MCM3AP: variants seen among roughly 807,000 people sequenced by gnomAD.
MCM3AP encodes the protein germinal-center associated nuclear protein.
MCM3AP carries 126 observed loss-of-function variants against 184.1 expected under a neutral mutation model. The observed-to-expected ratio is 0.68, with a 90% confidence interval of 0.59 to 0.79. The LOEUF (loss-of-function observed/expected upper bound fraction) is 0.79, where lower values mean the gene tolerates loss of function less well. Among genes scored for constraint, MCM3AP ranks in the 30% least tolerant of loss-of-function variants. The pLI, the probability that MCM3AP is intolerant of heterozygous loss-of-function variation, is 0.00. For synonymous variants in MCM3AP, 1,002 were observed against 979.3 expected (o/e 1.02, Z -0.43); for missense variants, 2,496 against 2,479.2 (o/e 1.01, Z -0.14).
Position 46,284,833 on chromosome 21 carries a change from C to T in MCM3AP, c.454G>A (p.Ala152Thr). ...GCCCCCAGTATTGGTTTGAACACTG[C>T]ATTTTCCAGAGGTTTAAAGCTGAAT... Reference protein sequence around the residue: ...TEFSFKPLENAVFKPILGAES... With the variant: ...TEFSFKPLENTVFKPILGAES... Residue 152 changes from alanine (A) to threonine (T), a missense_variant, in exon 1 of 28, where the codon GCA becomes ACA. Ala to Thr is a moderately conservative substitution (Grantham distance 58). Coordinates refer to ENST00000291688, the MANE Select transcript of MCM3AP (RefSeq NM_003906.5). The T allele has an allele frequency of 6.2e-7, 1 of 1,614,066 alleles. No individual in the cohort carries two copies. The highest frequency in any genetic ancestry group is 8.5e-7 in the Non-Finnish European group (1 of 1,180,036).
At position 46,258,938 on chromosome 21, in the gene MCM3AP, C is replaced by T; in HGVS notation, c.3734+1G>A. ...TTTGCCTGTAGGAACACAGGACTCA[C>T]CGCTGTAGATACTTGCAGAAGCACT... On this transcript the variant is annotated splice_donor_variant, in intron 16 of 27. Coordinates refer to ENST00000291688, the MANE Select transcript of MCM3AP (RefSeq NM_003906.5). LOFTEE classifies it high-confidence loss of function. 6.2e-7 allele frequency: 1 copy of T among 1,614,090 alleles called. No individual in the cohort carries two copies. The highest frequency in any genetic ancestry group is 8.5e-7 in the Non-Finnish European group (1 of 1,180,002).
Position 46,272,654 on chromosome 21 carries a change from T to C in MCM3AP, c.2372A>G (p.Gln791Arg). 1.2e-6 allele frequency: 2 copies of C among 1,614,258 alleles called. No individual in the cohort carries two copies. The change falls in exon 8 of 28, where the codon CAG becomes CGG. Residue 791 changes from glutamine (Q) to arginine (R), a missense_variant. By Grantham distance (43) the Gln-to-Arg change is conservative (BLOSUM62 1). Transcript: ENST00000291688. ...KCLQSLKEMYQDLRNKGVFCA... is the reference protein window; with the variant it reads ...KCLQSLKEMYRDLRNKGVFCA... ...GAAGACACCCTTGTTTCTCAGGTCCTGGTACATCTCCTTCAGGCTCTGCAG... is the reference window on the plus strand; with the variant it reads ...GAAGACACCCTTGTTTCTCAGGTCCCGGTACATCTCCTTCAGGCTCTGCAG...
At position 46,272,802 on chromosome 21, in the gene MCM3AP, G is replaced by T; in HGVS notation, c.2224C>A (p.Pro742Thr). ...TTCTCAATCAGGGACACCGTCAGGG[G>T]GTCACAGAGGTGCTGCTGCGTGATA... ...KDITQQHLCD[P>T]LTVSLIEKCT... is the part of the protein sequence containing the mutation. The change falls in exon 8 of 28, where the codon CCC (proline) becomes ACC (threonine). Residue 742 changes from proline (P) to threonine (T), a missense_variant. Transcript: ENST00000291688. 1 of 1,603,864 alleles carries T rather than the reference G, an allele frequency of 6.2e-7. No homozygotes were observed. Among genetic ancestry groups the T allele is most frequent in the Non-Finnish European group, 8.5e-7 (1 of 1,173,894 alleles).
At chr21:46,258,737 A>ATGTGTGTGTGTGTG (rs55695472) in intron 16 of MCM3AP, among the ~76,000 whole-genome samples, 2,146 of 150,030 alleles carry the variant, frequency 0.014, 21 homozygotes, top group Middle Eastern at 0.031. Context: ...CTTATATTGT[A>ATGTGTGTGTGTGTG]TGTGTGTGTG....
rs147601190 is a variant in MCM3AP at position 46,284,698 on chromosome 21, C to A, written c.589G>T (p.Val197Leu). The A allele has an allele frequency of 1.9e-6, 3 of 1,613,946 alleles. No individual in the cohort carries two copies. The highest frequency in any genetic ancestry group is 2.7e-5 in the African/African-American group (2 of 74,876). ...GGLAPFSFPQ[V>L]TSSSATTSNF... ...GAAGTGGTAGCTGAACTACTTGTTA[C>A]TTGAGGAAAAGAGAAAGGGGCCAGG... The change falls in exon 1 of 28, where the codon GTA (valine) becomes TTA (leucine). Residue 197 changes from valine (V) to leucine (L), a missense_variant. By Grantham distance (32) the Val-to-Leu change is conservative. This residue lies in a region of MCM3AP where 800 missense variants were observed against 717.1 expected (regional missense o/e 1.12). Coordinates refer to ENST00000291688, the MANE Select transcript of MCM3AP (RefSeq NM_003906.5).
At chr21:46,257,351 T>C (rs775731616) in intron 16 of MCM3AP, among the ~76,000 whole-genome samples, 12 of 151,786 alleles carry the variant, frequency 7.9e-5, no homozygotes, top group Non-Finnish European at 1.3e-4. Flanking sequence ...GGTGGGCGAC[T>C]GTGGTCCCAG....
intron 8 of MCM3AP, among the ~76,000 whole-genome samples, chr21:46,271,104 G>A (rs1186139003): frequency 6.6e-6 from 1 of 151,960 alleles, no homozygotes; most frequent in Non-Finnish European, 1.5e-5. Context: ...TATTCGTGAT[G>A]GAGAACAAAT....
At position 46,277,575 on chromosome 21, in the gene MCM3AP, T is replaced by C; in HGVS notation, c.1810A>G (p.Lys604Glu). The C allele has an allele frequency of 6.2e-7, 1 of 1,606,460 alleles. No individual in the cohort carries two copies. Among genetic ancestry groups the C allele is most frequent in the Non-Finnish European group, 8.5e-7 (1 of 1,176,650 alleles). The change falls in exon 5 of 28, where the codon AAG (lysine) becomes GAG (glutamate). Residue 604 changes from lysine to glutamate, a missense_variant. Lys to Glu is a moderately conservative substitution (Grantham distance 56). Around this residue, in one of 5 missense-constraint regions of MCM3AP, gnomAD observed 130 missense variants for 199.8 expected, o/e 0.65. Transcript: ENST00000291688. Reference sequence around the variant, plus strand: ...TGGTCAAGCAGGCGGTACTTCTCCTTGGATGTCTCAGCCACAGTGCCTATC... The same window carrying C: ...TGGTCAAGCAGGCGGTACTTCTCCTCGGATGTCTCAGCCACAGTGCCTATC... ...TLIGTVAETS[K>E]EKYRLLDQRD...
Position 46,251,590 on chromosome 21 carries a change from G to A in MCM3AP, c.4229C>T (p.Ser1410Leu), listed in dbSNP as rs143380178. 1.6e-5 allele frequency: 25 copies of A among 1,612,638 alleles called. No homozygotes were observed. Among genetic ancestry groups the A allele is most frequent in the South Asian group, 2.2e-5 (2 of 91,022 alleles). ...TTTGCTGCTAAGTGAGTTGAAAAGC[G>A]AAAGCGTCTGAATCCCACCAGCATC... ...SSDAGGIQTL[S>L]LFNSLSSKGD... Residue 1410 changes from serine to leucine, a missense_variant, in exon 20 of 28, where the codon TCG becomes TTG. By Grantham distance (145) the Ser-to-Leu change is moderately radical (BLOSUM62 -2). Transcript: ENST00000291688.
rs369072717 is a variant in MCM3AP at position 46,243,771 on chromosome 21, G to A, written c.5039-49C>T. ...TTACAGGTTTGGCCAAAATACAGGT[G>A]AAAATGTACATGAAAACATTTTCTC... On this transcript the variant is annotated intron_variant, in intron 23 of 27. Coordinates refer to ENST00000291688, the MANE Select transcript of MCM3AP (RefSeq NM_003906.5). 1.6e-4 allele frequency: 254 copies of A among 1,583,842 alleles called. 1 individual carries two copies. The highest frequency in any genetic ancestry group is 1.8e-4 in the Non-Finnish European group (208 of 1,164,366).
intron 20 of MCM3AP, chr21:46,249,767 G>A (rs1447282750): frequency 3.2e-6 from 1 of 310,786 alleles, no homozygotes; most frequent in African/African-American, 2.2e-5. Context: ...GTCTGTGTTT[G>A]CACTCATTTT....
At position 46,248,364 on chromosome 21, in the gene MCM3AP, TC is replaced by T. The variant is rs1725760212; in HGVS notation, c.4291-1479del. 2.0e-5 allele frequency among the ~76,000 whole-genome samples: 3 copies of T among 152,084 alleles called. No homozygotes were observed. The South Asian group carries it at 6.2e-4, about 32-fold the overall frequency. ...ACCCTACCCTGAGAATACCAGCAGC[TC>T]CCCAGAAAGCAGATGGCACAAGTCC... On this transcript the variant is annotated intron_variant, in intron 20 of 27. Transcript: ENST00000291688.
rs752039396 is a variant in MCM3AP, at chr21:46,277,657, G to A, written c.1728C>T (p.Asp576=). 1.2e-5 allele frequency: 20 copies of A among 1,609,306 alleles called. No homozygotes were observed. The highest frequency in any genetic ancestry group is 8.0e-5 in the African/African-American group (6 of 74,700). ...KAHQFEGDSF[D]SASEGSEGLG... The stretch of plus-strand genomic sequence containing the variant: ...GGCCCTCGGAGCCCTCGGAGGCTGA[G>A]TCAAAAGAGTCTCCCTCGAATTGGT... The change falls in exon 5 of 28, where the codon GAC becomes GAT. Residue 576 remains aspartate, a synonymous_variant. Coordinates refer to ENST00000291688, the MANE Select transcript of MCM3AP (RefSeq NM_003906.5).
chr21:46,267,052 T>G lies in MCM3AP; in HGVS notation c.2719A>C (p.Met907Leu), dbSNP rs150629654. The change falls in exon 10 of 28, where the codon ATG (methionine) becomes CTG (leucine). Residue 907 changes from methionine to leucine, a missense_variant. Met to Leu is a conservative substitution (Grantham distance 15, BLOSUM62 2). Transcript: ENST00000291688. ...TIFPLDGVVR[M>L]LLFRDCEEAT... ...TCTTCACAGTCTCTGAACAGCAGCATGCGCACCACACCATCCAGGGGAAAG... is the reference window on the plus strand; with the variant it reads ...TCTTCACAGTCTCTGAACAGCAGCAGGCGCACCACACCATCCAGGGGAAAG... 6.2e-7 allele frequency: 1 copy of G among 1,614,220 alleles called. No homozygotes were observed. The highest frequency in any genetic ancestry group is 2.2e-5 in the East Asian group (1 of 44,884).
intron 19 of MCM3AP, 22 bp from the exon 20 acceptor site, chr21:46,251,704 AAAAC>A: frequency 7.1e-7 from 1 of 1,402,348 alleles, no homozygotes; most frequent in Admixed American, 2.1e-5. Flanking sequence ...AAAAAAACAA[AAAAC>A]AAAAAAAACA....
chr21:46,284,022 A>C (rs1429317268), intron 1 of MCM3AP, 46 bp downstream of exon 1: 1 of 1,571,528 alleles, frequency 6.4e-7, no homozygotes, highest in East Asian at 2.2e-5. Context: ...CGTATTGAAA[A>C]CCTGCCTGCA....
intron 22 of MCM3AP, 26 bp from the exon 23 acceptor site, chr21:46,245,223 G>T: frequency 6.3e-7 from 1 of 1,576,366 alleles, no homozygotes; most frequent in South Asian, 1.2e-5. Context: ...AGACTTGGTT[G>T]AACAATTCAC....
Position 46,285,339 on chromosome 21 carries a change from T to C in MCM3AP, c.-53A>G. 7.6e-7 allele frequency: 1 copy of C among 1,313,654 alleles called. No individual in the cohort carries two copies. Among genetic ancestry groups the C allele is most frequent in the South Asian group, 1.3e-5 (1 of 78,886 alleles). The allele number at this position is 1,313,654 out of a possible 1,614,324, so 81.4% of individuals were successfully genotyped here. A position where few individuals can be genotyped will look rare whatever the true frequency, so the allele number is the denominator to read the frequency against. On this transcript the variant is annotated 5_prime_UTR_variant, in exon 1 of 28. Transcript: ENST00000291688. ...TAAGTATTATGTGTACAAAATTAAT[T>C]GGCTTCCTGAAACAGCCTGTAGCAC...
In MCM3AP at chr21:46,277,686, C is replaced by T. The variant is rs1337918003; in HGVS notation, c.1699G>A (p.Ala567Thr). The T allele has an allele frequency of 1.3e-6, 2 of 1,597,558 alleles. No individual in the cohort carries two copies. Among genetic ancestry groups the T allele is most frequent in the Non-Finnish European group, 1.7e-6 (2 of 1,172,192 alleles). ...SPVKKPSLLK[A>T]HQFEGDSFDS... The stretch of plus-strand genomic sequence containing the variant: ...AAAGAGTCTCCCTCGAATTGGTGGG[C>T]CTTTAGAAGACTTGGCTTCTTCACT... Residue 567 changes from alanine to threonine, a missense_variant, in exon 5 of 28, where the codon GCC becomes ACC. Coordinates refer to ENST00000291688, the MANE Select transcript of MCM3AP (RefSeq NM_003906.5).
Sources: gnomAD v4.1 joint callset for allele counts (sites outside exome capture counted in the v4.1 genomes callset) on GRCh38, gnomAD v4.1.1 for gene constraint, gnomAD v4.1.1 regional missense constraint, MANE v1.5 for transcripts, NCBI Gene and HGNC (gene_info 2026-07-23, HGNC 2026-07-21) for gene names.